The following BCL2 variants were observed in gnomAD, a reference collection of about 807,000 sequenced individuals.
BCL2 encodes BCL2 apoptosis regulator, also known as apoptosis regulator Bcl-2.
In BCL2, 1 loss-of-function variant was observed where a neutral mutation model predicts 14.2. The observed-to-expected ratio is 0.07, with a 90% CI of 0.02 to 0.33. BCL2 has a LOEUF of 0.33. Ranked by LOEUF, BCL2 falls within the 10% of genes least tolerant of loss-of-function variation. The probability of loss-of-function intolerance (pLI) is 0.99; values close to 1 mark genes in which losing one functional copy is unlikely to be tolerated. For synonymous variants in BCL2, 151 were observed against 137.2 expected (o/e 1.10, Z -0.70); for missense variants, 247 against 305.9 (o/e 0.81, Z 1.44).
intron 2 of BCL2, among the ~76,000 whole-genome samples, chr18:63,295,923 A>G (rs969657248): frequency 3.3e-5 from 5 of 152,112 alleles, no homozygotes; most frequent in Non-Finnish European, 7.3e-5. Flanking sequence ...TTTCCCTAAC[A>G]GTAGTTGACT....
intron 2 of BCL2, among the ~76,000 whole-genome samples, chr18:63,289,912 G>A (rs1164738374): frequency 5.3e-5 from 8 of 152,100 alleles, no homozygotes; most frequent in Non-Finnish European, 8.8e-5. Context: ...AACAATCAGG[G>A]AAGAATTTTA....
chr18:63,217,580 C>A (rs1282985010), intron 2 of BCL2, among the ~76,000 whole-genome samples: 1 of 152,218 alleles, frequency 6.6e-6, no homozygotes, highest in Non-Finnish European at 1.5e-5. Context: ...CTTGTCTTGA[C>A]AACCTGGCAA....
chr18:63,198,761 TGACACAGAGACACACA>T (rs1909558233), intron 2 of BCL2, among the ~76,000 whole-genome samples: 2 of 19,816 alleles, frequency 1.0e-4, no homozygotes, highest in South Asian at 1.7e-3. Flanking sequence ...AGACACACAC[TGACACAGAGACACACA>T]GACACAGAGA....
In BCL2 at chr18:63,198,748, CACAG is replaced by C. The variant is rs1405869999; in HGVS notation, c.586-69993_586-69990del. 1.4e-4 allele frequency among the ~76,000 whole-genome samples: 20 copies of C among 146,434 alleles called. No individual in the cohort carries two copies. The Admixed American group carries it at 1.4e-3, about 10-fold the overall frequency. On this transcript the variant is annotated intron_variant, in intron 2 of 2. Transcript: ENST00000333681. Reference sequence around the variant, plus strand: ...AGACACACACAGACACAGGGACACACACAGACACACACTGACACAGAGACACACA... The same window carrying C: ...AGACACACACAGACACAGGGACACACACACACACTGACACAGAGACACACA...
chr18:63,186,481 A>C (rs1915597082), intron 2 of BCL2, among the ~76,000 whole-genome samples: 1 of 152,180 alleles, frequency 6.6e-6, no homozygotes. Flanking sequence ...ACATGATATG[A>C]CCATTCTTGT....
chr18:63,254,854 A>C (rs1010393281), intron 2 of BCL2, among the ~76,000 whole-genome samples: 3 of 152,150 alleles, frequency 2.0e-5, no homozygotes, highest in Non-Finnish European at 4.4e-5. Context: ...CGGGTAGTGC[A>C]CTCTGTTCAA....
At chr18:63,201,060 G>A (rs1183003302) in intron 2 of BCL2, among the ~76,000 whole-genome samples, 4 of 152,184 alleles carry the variant, frequency 2.6e-5, no homozygotes, top group African/African-American at 7.2e-5. Context: ...GCAGCATTAC[G>A]GAGCAGAAGT....
chr18:63,281,720 GAAA>G (rs1568256890), intron 2 of BCL2, among the ~76,000 whole-genome samples: 1 of 125,888 alleles, frequency 7.9e-6, no homozygotes, highest in African/African-American at 2.7e-5. Context: ...AAGAAAGAAA[GAAA>G]GAAAGAAAGA....
chr18:63,135,595 G>A (rs914436614), intron 2 of BCL2, among the ~76,000 whole-genome samples: 1 of 151,990 alleles, frequency 6.6e-6, no homozygotes, highest in African/African-American at 2.4e-5. Context: ...TTTCCACCCT[G>A]GCCCATGCAC....
intron 2 of BCL2, among the ~76,000 whole-genome samples, chr18:63,221,375 G>A (rs76773525): frequency 6.6e-6 from 1 of 152,080 alleles, no homozygotes; most frequent in Non-Finnish European, 1.5e-5. Context: ...CCACTACAAG[G>A]ATGTGAAATT....
chr18:63,266,637 T>TCTCTCTCTCTCACACACA (rs1491465885), intron 2 of BCL2, among the ~76,000 whole-genome samples: 52 of 86,006 alleles, frequency 6.0e-4, no homozygotes, highest in South Asian at 2.0e-3. Flanking sequence ...TCTCTCTCTC[T>TCTCTCTCTCTCACACACA]CACACACACA....
intron 2 of BCL2, among the ~76,000 whole-genome samples, chr18:63,229,249 T>C (rs932876118): frequency 1.6e-4 from 24 of 152,214 alleles, no homozygotes; most frequent in Non-Finnish European, 2.9e-4. Context: ...AAAATCATTT[T>C]ACATGTATTC....
rs756734795 is a variant in BCL2, at chr18:63,318,529, C to G, written c.138G>C (p.Pro46=). ...GAAPPGAAPA[P]GIFSSQPGHT... Reference sequence around the variant, plus strand: ...GCCCGGGCTGGGAGGAGAAGATGCCCGGTGCGGGGGCGGCCCCCGGGGGCG... The same window carrying G: ...GCCCGGGCTGGGAGGAGAAGATGCCGGGTGCGGGGGCGGCCCCCGGGGGCG... Residue 46 remains proline, a synonymous_variant, in exon 2 of 3, where the codon CCG becomes CCC. Coordinates refer to ENST00000333681, the MANE Select transcript of BCL2 (RefSeq NM_000633.3). The surrounding 1 kb of genome is among the most constrained non-coding windows in gnomAD (Gnocchi z 7.4). The G allele has an allele frequency of 1.1e-5, 17 of 1,576,768 alleles. No individual in the cohort carries two copies. Among genetic ancestry groups the G allele is most frequent in the Non-Finnish European group, 1.5e-5 (17 of 1,166,594 alleles).
chr18:63,143,949 C>T (rs1285738409), intron 2 of BCL2, among the ~76,000 whole-genome samples: 1 of 152,118 alleles, frequency 6.6e-6, no homozygotes, highest in African/African-American at 2.4e-5. Context: ...ATGCTCATCA[C>T]CCAAATCAGG....
At chr18:63,243,340 C>G (rs1266417080) in intron 2 of BCL2, among the ~76,000 whole-genome samples, 1 of 151,976 alleles carries the variant, frequency 6.6e-6, no homozygotes, top group Non-Finnish European at 1.5e-5. Flanking sequence ...TACAGGGGAA[C>G]AACACACACT....
At chr18:63,248,188 A>C (rs1161419581) in intron 2 of BCL2, among the ~76,000 whole-genome samples, 1 of 152,228 alleles carries the variant, frequency 6.6e-6, no homozygotes, top group Non-Finnish European at 1.5e-5. Flanking sequence ...AATCTGCCAA[A>C]ATGTTTCCAA....
At chr18:63,285,249 T>C (rs1912437017) in intron 2 of BCL2, among the ~76,000 whole-genome samples, 1 of 152,226 alleles carries the variant, frequency 6.6e-6, no homozygotes. Context: ...TCAGCTCCCC[T>C]GGCAGGGAAT....
At chr18:63,166,341 A>C (rs1291305207) in intron 2 of BCL2, among the ~76,000 whole-genome samples, 1 of 152,142 alleles carries the variant, frequency 6.6e-6, no homozygotes, top group Non-Finnish European at 1.5e-5. Flanking sequence ...ATGTAAGGCG[A>C]GGAGTCAAGC....
At chr18:63,276,494 C>A (rs544327194) in intron 2 of BCL2, among the ~76,000 whole-genome samples, 2 of 152,286 alleles carry the variant, frequency 1.3e-5, no homozygotes, top group African/African-American at 4.8e-5. Context: ...TATTCTATGT[C>A]CCCCAGGACT....
Sources: allele counts gnomAD v4.1 joint callset (sites outside exome capture counted in the v4.1 genomes callset), GRCh38; gene constraint gnomAD v4.1.1; non-coding constraint Gnocchi (gnomAD v3.1); transcripts MANE v1.5; gene names NCBI Gene and HGNC (gene_info 2026-07-23, HGNC 2026-07-21).